PIGG: variants seen among roughly 807,000 people sequenced by gnomAD.
The protein encoded by PIGG is GPI ethanolamine phosphate transferase 2, catalytic subunit.
In PIGG, 70 loss-of-function variants were observed where a neutral mutation model predicts 83.2. The ratio of observed to expected loss-of-function variants is 0.84; its 90% CI spans 0.69 to 1.03. PIGG has a LOEUF of 1.03. Among genes scored for constraint, PIGG ranks in the 50% least tolerant of loss-of-function variants. The pLI, the probability that PIGG is intolerant of heterozygous loss-of-function variation, is 0.00. For missense variants in PIGG, 1,257 were observed against 1,233.6 expected (o/e 1.02, Z -0.28); for synonymous variants, 532 against 519.5 (o/e 1.02, Z -0.33).
chr4:534,820 T>C (rs777867927), intron 12 of PIGG, among the ~76,000 whole-genome samples: 58 of 151,356 alleles, frequency 3.8e-4, no homozygotes, highest in Non-Finnish European at 7.5e-4. Context: ...CAGCCCCCCA[T>C]CCACACACCC....
rs375229286 is a variant in PIGG, at chr4:530,689, G to A, written c.2515G>A (p.Ala839Thr). The change falls in exon 11 of 13, where the codon GCA becomes ACA. Residue 839 changes from alanine to threonine, a missense_variant. By Grantham distance (58) the Ala-to-Thr change is moderately conservative (BLOSUM62 0). Coordinates refer to ENST00000453061, the MANE Select transcript of PIGG (RefSeq NM_001127178.3). ...CATCTGGAAGCCCCTGAGACACGAT[G>A]CAGCTGAGATTACTGTGATGCATTA... Reference protein sequence around the residue: ...KFIWKPLRHDAAEITVMHYWF... With the variant: ...KFIWKPLRHDTAEITVMHYWF... 7.5e-5 allele frequency: 121 copies of A among 1,613,950 alleles called. No individual in the cohort carries two copies. The African/African-American group carries it at 1.4e-3, about 19-fold the overall frequency.
At position 521,262 on chromosome 4, in the gene PIGG, G is replaced by A. The variant is rs202037650; in HGVS notation, c.1321G>A (p.Val441Met). The change falls in exon 7 of 13, where the codon GTG becomes ATG. Residue 441 changes from valine to methionine, a missense_variant. By Grantham distance (21) the Val-to-Met change is conservative. Transcript: ENST00000453061. ...DIYSMMVGTV[V>M]VLEVLTLLLL... ...CTATTCGATGATGGTGGGGACTGTC[G>A]TGGTTTTGGAGGTACAGATGCTCAC... 80 of 1,612,378 alleles carry A rather than the reference G, an allele frequency of 5.0e-5. No individual in the cohort carries two copies. Among genetic ancestry groups the A allele is most frequent in the African/African-American group, 1.7e-4 (13 of 74,888 alleles).
In PIGG at chr4:528,495, G is replaced by A; in HGVS notation, c.2261+1265G>A. On this transcript the variant is annotated intron_variant, in intron 10 of 12. Transcript: ENST00000453061. This position sits in a 1 kb window ranked among gnomAD's most constrained non-coding sequence, Gnocchi z 4.8. ...GTGGGGAGTAAGGGGTGGGAGTTAG[G>A]GTGACCTGAGGCCTGGCTGAGGCAG... The A allele has an allele frequency of 2.0e-6, 2 of 985,316 alleles. No individual in the cohort carries two copies. The highest frequency in any genetic ancestry group is 2.4e-6 in the Non-Finnish European group (2 of 829,898). The allele number at this position is 985,316 out of a possible 1,614,324, so 61.0% of individuals were successfully genotyped here. A position where few individuals can be genotyped will look rare whatever the true frequency, so the allele number is the denominator to read the frequency against.
intron 4 of PIGG, among the ~76,000 whole-genome samples, chr4:508,408 G>T (rs1156326502): frequency 6.6e-6 from 1 of 152,272 alleles, no homozygotes; most frequent in Non-Finnish European, 1.5e-5. Context: ...GAGAAGCCTG[G>T]TGGGTGCCCC....
Position 499,353 on chromosome 4 carries a change from G to T in PIGG, c.18G>T (p.Gly6=). The change falls in exon 1 of 13, where the codon GGG becomes GGT. Residue 6 remains glycine (G), a synonymous_variant. Coordinates refer to ENST00000453061, the MANE Select transcript of PIGG (RefSeq NM_001127178.3). MRLGS[G]TFATCCVAIE... ...TGTCCACGATGCGGCTGGGCTCCGG[G>T]ACTTTCGCTACCTGTTGCGTAGCGA... is the stretch of plus-strand genomic sequence containing the variant. The T allele has an allele frequency of 1.9e-6, 3 of 1,609,118 alleles. No individual in the cohort carries two copies. The highest frequency in any genetic ancestry group is 8.5e-7 in the Non-Finnish European group (1 of 1,179,888).
Position 521,119 on chromosome 4 carries a change from T to C in PIGG, c.1178T>C (p.Leu393Ser). The change falls in exon 7 of 13, where the codon TTG becomes TCG. Residue 393 changes from leucine to serine, a missense_variant. Leu to Ser is a moderately radical substitution (Grantham distance 145, BLOSUM62 -2). Coordinates refer to ENST00000453061, the MANE Select transcript of PIGG (RefSeq NM_001127178.3). ...CATGGGAACTGGATCAGACTGTACT[T>C]GGAGGAAAAGCATTCAGAAGTCCTA... ...RLHGNWIRLY[L>S]EEKHSEVLFN... is the part of the protein sequence containing the mutation. The C allele has an allele frequency of 6.2e-7, 1 of 1,614,144 alleles. No individual in the cohort carries two copies. The highest frequency in any genetic ancestry group is 1.3e-5 in the African/African-American group (1 of 75,042).
intron 3 of PIGG, among the ~76,000 whole-genome samples, chr4:507,054 A>G (rs1195682050): frequency 6.6e-6 from 1 of 152,254 alleles, no homozygotes; most frequent in Non-Finnish European, 1.5e-5. Context: ...TATTCGATCC[A>G]TAGCCCAGAA....
At chr4:527,711 C>G (rs1193826345) in intron 10 of PIGG, 6 of 985,178 alleles carry the variant, frequency 6.1e-6, no homozygotes, top group Admixed American at 6.1e-5. Flanking sequence ...AACGAGCCCC[C>G]GTAAGGGGCC....
At position 507,436 on chromosome 4, in the gene PIGG, A is replaced by C. The variant is rs782326684; in HGVS notation, c.602A>C (p.Lys201Thr). The change falls in exon 4 of 13, where the codon AAA (lysine) becomes ACA (threonine). Residue 201 changes from lysine to threonine, a missense_variant. Physicochemically the swap from Lys to Thr is moderately conservative, Grantham distance 78. Coordinates refer to ENST00000453061, the MANE Select transcript of PIGG (RefSeq NM_001127178.3). Reference sequence around the variant, plus strand: ...AATAATGTCACGAGGCATTTGGATAAAGTATTAAAAAGAGGAGATTGGGAC... The same window carrying C: ...AATAATGTCACGAGGCATTTGGATACAGTATTAAAAAGAGGAGATTGGGAC... ...VDNNVTRHLD[K>T]VLKRGDWDIL... 134 of 1,613,248 alleles carry C rather than the reference A, an allele frequency of 8.3e-5. No homozygotes were observed. Among genetic ancestry groups the C allele is most frequent in the Non-Finnish European group, 1.1e-4 (131 of 1,179,462 alleles).
In PIGG at chr4:499,306, C is replaced by T. The variant is rs781894745; in HGVS notation, c.-30C>T. The T allele has an allele frequency of 1.3e-6, 2 of 1,599,142 alleles. No homozygotes were observed. The highest frequency in any genetic ancestry group is 2.2e-5 in the East Asian group (1 of 44,672). On this transcript the variant is annotated 5_prime_UTR_variant, in exon 1 of 13. Coordinates refer to ENST00000453061, the MANE Select transcript of PIGG (RefSeq NM_001127178.3). ...AGCAGGGCGAGGCTCCAGGTGGGGT[C>T]GGTTCCGCATCCAGCCTAGCGTGTC...
intron 9 of PIGG, chr4:525,892 A>C (rs1727456343): frequency 6.6e-6 from 1 of 152,292 alleles, no homozygotes; most frequent in Non-Finnish European, 1.5e-5. Flanking sequence ...GCACGCCAGC[A>C]TCGGGGTGGG....
chr4:520,964 T>G (rs759764986), intron 6 of PIGG, 92 bp from the exon 7 acceptor site: 1 of 858,420 alleles, frequency 1.2e-6, no homozygotes, highest in Non-Finnish European at 1.9e-6. Flanking sequence ...CTTTGCCGTG[T>G]GCCATGCATA....
chr4:499,372 G>A lies in PIGG; in HGVS notation c.37G>A (p.Val13Ile), dbSNP rs1434097941. 1 of 1,610,022 alleles carries A rather than the reference G, an allele frequency of 6.2e-7. No individual in the cohort carries two copies. The highest frequency in any genetic ancestry group is 8.5e-7 in the Non-Finnish European group (1 of 1,179,922). The change falls in exon 1 of 13, where the codon GTA becomes ATA. Residue 13 changes from valine to isoleucine, a missense_variant. Physicochemically the swap from Val to Ile is conservative, Grantham distance 29 (BLOSUM62 3). Transcript: ENST00000453061. ...CTCCGGGACTTTCGCTACCTGTTGCGTAGCGATCGAGGTGCTAGGGATCGC... is the reference window on the plus strand; with the variant it reads ...CTCCGGGACTTTCGCTACCTGTTGCATAGCGATCGAGGTGCTAGGGATCGC... The part of the protein sequence containing the change: ...LGSGTFATCC[V>I]AIEVLGIAVF...
chr4:519,741 A>G (rs1725171369), intron 6 of PIGG, among the ~76,000 whole-genome samples: 1 of 136,066 alleles, frequency 7.3e-6, no homozygotes, highest in South Asian at 2.6e-4. Context: ...TGGTGCCTGC[A>G]GCAGTGGGGT....
intron 10 of PIGG, among the ~76,000 whole-genome samples, chr4:529,657 C>G (rs1171361434): frequency 6.6e-6 from 1 of 152,196 alleles, no homozygotes; most frequent in Non-Finnish European, 1.5e-5. Context: ...GTAATTGTAT[C>G]CTTTACAGAT....
chr4:539,564 C>T lies in PIGG; in HGVS notation c.*195C>T, dbSNP rs755972395. Reference sequence around the variant, plus strand: ...TCATATTTTCCCCCATTGACAATCACTCTAGAAGCTTCTGAACTTTTAATT... The same window carrying T: ...TCATATTTTCCCCCATTGACAATCATTCTAGAAGCTTCTGAACTTTTAATT... On this transcript the variant is annotated 3_prime_UTR_variant, in exon 13 of 13. Coordinates refer to ENST00000453061, the MANE Select transcript of PIGG (RefSeq NM_001127178.3). The T allele has an allele frequency of 4.2e-5, 24 of 566,308 alleles. 1 individual carries two copies. Among genetic ancestry groups the T allele is most frequent in the Non-Finnish European group, 7.2e-5 (23 of 320,330 alleles). 35.1% of individuals were successfully genotyped at this position (566,308 alleles called of 1,614,324 possible).
Position 505,844 on chromosome 4 carries a change from G to A in PIGG, c.487G>A (p.Asp163Asn). Residue 163 changes from aspartate (D) to asparagine (N), a missense_variant, in exon 3 of 13, where the codon GAT becomes AAT. Physicochemically the swap from Asp to Asn is conservative, Grantham distance 23. Transcript: ENST00000453061. The part of the protein sequence containing the change: ...AAGKRIVFYG[D>N]ETWVKLFPKH... ...TGGAAAAAGAATAGTCTTTTATGGA[G>A]ATGAAACCTGGGTTAAATTATTCCC... 6.2e-7 allele frequency: 1 copy of A among 1,613,424 alleles called. No homozygotes were observed. Among genetic ancestry groups the A allele is most frequent in the Non-Finnish European group, 8.5e-7 (1 of 1,179,832 alleles).
chr4:531,057 T>C (rs1728934191), intron 11 of PIGG: 1 of 332,040 alleles, frequency 3.0e-6, no homozygotes, highest in Non-Finnish European at 5.5e-6. Context: ...ATGAATGTAA[T>C]AATTGTTCTC....
At chr4:524,401 G>A (rs533532116) in intron 9 of PIGG, among the ~76,000 whole-genome samples, 8 of 152,306 alleles carry the variant, frequency 5.3e-5, no homozygotes, top group Admixed American at 4.6e-4. Flanking sequence ...GGCTGCACAG[G>A]AGGCATGGTG....
Sources: gnomAD v4.1 joint callset for allele counts (sites outside exome capture counted in the v4.1 genomes callset) on GRCh38, gnomAD v4.1.1 for gene constraint, Gnocchi (gnomAD v3.1) non-coding constraint, MANE v1.5 for transcripts, NCBI Gene and HGNC (gene_info 2026-07-23, HGNC 2026-07-21) for gene names.